The following WNK2 variants were observed in gnomAD, a reference collection of about 807,000 sequenced individuals.
The protein encoded by WNK2 is WNK lysine deficient protein kinase 2, also known as serine/threonine-protein kinase WNK2.
Under a neutral mutation model 192.1 loss-of-function variants are expected in WNK2, and 67 were observed. The observed-to-expected ratio is 0.35, with a 90% CI of 0.29 to 0.43. The LOEUF (loss-of-function observed/expected upper bound fraction) is 0.43, where lower values mean the gene tolerates loss of function less well. Ranked by LOEUF, WNK2 falls within the 20% of genes least tolerant of loss-of-function variation. The probability of loss-of-function intolerance (pLI) is 1.00; values close to 1 mark genes in which losing one functional copy is unlikely to be tolerated. For synonymous variants in WNK2, 1,439 were observed against 1,393.9 expected (o/e 1.03, Z -0.72); for missense variants, 2,698 against 3,089.7 (o/e 0.87, Z 3.01).
intron 2 of WNK2, among the ~76,000 whole-genome samples, chr9:93,217,053 G>C (rs1236738012): frequency 6.6e-6 from 1 of 151,584 alleles, no homozygotes; most frequent in African/African-American, 2.4e-5. Context: ...CTGCCTCCCA[G>C]GTTCAAGCGA....
chr9:93,230,892 C>T lies in WNK2; in HGVS notation c.859C>T (p.Leu287=), dbSNP rs938178320. The T allele has an allele frequency of 5.0e-6, 8 of 1,611,964 alleles. No individual in the cohort carries two copies. In the Admixed American group the frequency reaches 1.2e-4, roughly 24 times the overall value. Residue 287 remains leucine (L), a synonymous_variant, in exon 4 of 30, where the codon CTG becomes TTG. Transcript: ENST00000427277. ...TGTGCCCGTGAACCCCTGCAGATAC[C>T]TGAAGCGGTTCAAGGTGATGAAGCC... is the stretch of plus-strand genomic sequence containing the variant. The part of the protein sequence containing the change: ...LMTSGTLKTY[L]KRFKVMKPKV...
In WNK2 at chr9:93,260,795, T is replaced by A. The variant is rs377462210; in HGVS notation, c.3067-1019T>A. Among the ~76,000 whole-genome samples, 3 of 152,272 alleles carry A rather than the reference T, an allele frequency of 2.0e-5. No homozygotes were observed. In the South Asian group the frequency reaches 6.2e-4, roughly 32 times the overall value. On this transcript the variant is annotated intron_variant, in intron 12 of 29. Coordinates refer to ENST00000427277, the MANE Select transcript of WNK2 (RefSeq NM_006648.4). The stretch of plus-strand genomic sequence containing the variant: ...AGTAAGTGCTGTTGGTCCCAGCAGG[T>A]TTCAGCGGCAGCTCAGAGCCCGCTG...
Position 93,299,204 on chromosome 9 carries a change from C to T in WNK2, c.6058C>T (p.Leu2020=). The stretch of plus-strand genomic sequence containing the variant: ...GCAGCCCTGCTCCGTCCGGGCCTCC[C>T]TGTCTTCGGACATCTGCTCCGGCTT... ...TQQPCSVRAS[L]SSDICSGLAS... Residue 2020 remains leucine (L), a synonymous_variant, in exon 25 of 30, where the codon CTG becomes TTG. Coordinates refer to ENST00000427277, the MANE Select transcript of WNK2 (RefSeq NM_006648.4). 1.3e-6 allele frequency: 2 copies of T among 1,599,284 alleles called. No individual in the cohort carries two copies. Among genetic ancestry groups the T allele is most frequent in the Non-Finnish European group, 1.7e-6 (2 of 1,169,788 alleles).
chr9:93,293,691 TGCTTG>T (rs1849747946), intron 23 of WNK2, among the ~76,000 whole-genome samples: 1 of 152,122 alleles, frequency 6.6e-6, no homozygotes, highest in Non-Finnish European at 1.5e-5. Context: ...CCCTGCTGTC[TGCTTG>T]GCTTCTGGCT....
chr9:93,310,292 G>T (rs1019712480), intron 28 of WNK2, among the ~76,000 whole-genome samples: 1 of 152,144 alleles, frequency 6.6e-6, no homozygotes, highest in Non-Finnish European at 1.5e-5. Context: ...ACAGCTCTGC[G>T]AGGCTGCACC....
At chr9:93,258,499 C>T (rs1843668522) in intron 11 of WNK2, among the ~76,000 whole-genome samples, 1 of 152,162 alleles carries the variant, frequency 6.6e-6, no homozygotes, top group East Asian at 1.9e-4. Flanking sequence ...CTGACAGTCC[C>T]AGCCATTCTG....
intron 2 of WNK2, among the ~76,000 whole-genome samples, chr9:93,227,825 A>C (rs1838076554): frequency 6.6e-6 from 1 of 152,190 alleles, no homozygotes; most frequent in Admixed American, 6.5e-5. Context: ...GATGAGTAGA[A>C]CATGTTTCCA....
At chr9:93,267,941 G>T (rs1421836072) in intron 17 of WNK2, 25 bp downstream of exon 17, 1 of 1,610,606 alleles carries the variant, frequency 6.2e-7, no homozygotes, top group African/African-American at 1.3e-5. Context: ...TCCGGGGTGG[G>T]AGGTGGTGAG....
intron 5 of WNK2, 60 bp from the exon 6 acceptor site, chr9:93,238,173 G>A (rs1840138653): frequency 2.6e-6 from 4 of 1,510,904 alleles, no homozygotes; most frequent in Non-Finnish European, 3.7e-6. Flanking sequence ...TCCCACTGTG[G>A]TGGAGGCCTC....
In WNK2 at chr9:93,247,838, A is replaced by G; in HGVS notation, c.1834+4A>G. The G allele has an allele frequency of 6.5e-7, 1 of 1,536,448 alleles. No homozygotes were observed. Among genetic ancestry groups the G allele is most frequent in the Non-Finnish European group, 8.7e-7 (1 of 1,146,832 alleles). Reference sequence around the variant, plus strand: ...ACCAGCGCCACCTCCCTGGCCTGTGAGTGCTCAGGGGTGGGATGGCCATGG... The same window carrying G: ...ACCAGCGCCACCTCCCTGGCCTGTGGGTGCTCAGGGGTGGGATGGCCATGG... On this transcript the variant is annotated splice_donor_region_variant and intron_variant, in intron 8 of 29. Transcript: ENST00000427277. This position sits in a 1 kb window ranked among gnomAD's most constrained non-coding sequence, Gnocchi z 5.2.
chr9:93,221,794 G>A (rs967647795), intron 2 of WNK2, among the ~76,000 whole-genome samples: 1 of 152,136 alleles, frequency 6.6e-6, no homozygotes, highest in Non-Finnish European at 1.5e-5. Flanking sequence ...GGGAAGAGCC[G>A]CGTCGTGTCC....
chr9:93,214,671 C>A (rs60108227), intron 2 of WNK2, among the ~76,000 whole-genome samples: 2 of 142,740 alleles, frequency 1.4e-5, no homozygotes. Context: ...AGCTGTCAGT[C>A]TACTTGCTGC....
Position 93,253,207 on chromosome 9 carries a change from G to A in WNK2, c.2034+125G>A, listed in dbSNP as rs7848480. ...TGCATTGTGGTCAGCATTAAAAGTG[G>A]CCTGTGGTCAGTGTCCAGCCACACT... On this transcript the variant is annotated intron_variant, in intron 9 of 29. Transcript: ENST00000427277. 0.011 allele frequency: 9,430 copies of A among 882,246 alleles called. 679 individuals are homozygous for A. In the African/African-American group the frequency reaches 0.15, roughly 14 times the overall value. 54.7% of individuals were successfully genotyped at this position (882,246 alleles called of 1,614,324 possible).
chr9:93,299,952 G>A (rs1851313931), intron 25 of WNK2, 99 bp from the exon 26 acceptor site: 1 of 943,530 alleles, frequency 1.1e-6, no homozygotes, highest in Non-Finnish European at 1.7e-6. Flanking sequence ...TGGATGTTAA[G>A]TGACGAGGCT....
At chr9:93,228,562 A>AT (rs1294209292) in intron 2 of WNK2, among the ~76,000 whole-genome samples, 2 of 152,136 alleles carry the variant, frequency 1.3e-5, no homozygotes, top group Non-Finnish European at 2.9e-5. Context: ...AGAGGCAGGC[A>AT]TTGCTCTGTG....
intron 2 of WNK2, among the ~76,000 whole-genome samples, chr9:93,214,788 G>A (rs925751277): frequency 6.9e-6 from 1 of 145,650 alleles, no homozygotes; most frequent in African/African-American, 2.6e-5. Flanking sequence ...ATGCCCAGGT[G>A]TGGCTTTCTT....
In WNK2 at chr9:93,262,680, C is replaced by T; in HGVS notation, c.3371C>T (p.Ser1124Leu). 1 of 1,612,656 alleles carries T rather than the reference C, an allele frequency of 6.2e-7. No homozygotes were observed. The stretch of plus-strand genomic sequence containing the variant: ...GGGTGTTTATTTCAGGAGCAGGCCT[C>T]ACAGGACAAGCCGCCCGGCCTCCCG... ...TVEPVQEEQA[S>L]QDKPPGLPQS... is the part of the protein sequence containing the mutation. The change falls in exon 14 of 30, where the codon TCA becomes TTA. Residue 1124 changes from serine to leucine, a missense_variant. This residue lies in a region of WNK2 where 893 missense variants were observed against 909.0 expected (regional missense o/e 0.98). Coordinates refer to ENST00000427277, the MANE Select transcript of WNK2 (RefSeq NM_006648.4).
rs1371549502 is a variant in WNK2 at position 93,184,996 on chromosome 9, C to T, written c.67C>T (p.Pro23Ser). The T allele has an allele frequency of 3.2e-6, 4 of 1,242,942 alleles. No individual in the cohort carries two copies. The highest frequency in any genetic ancestry group is 4.0e-6 in the Non-Finnish European group (4 of 998,700). 77.0% of individuals were successfully genotyped at this position (1,242,942 alleles called of 1,614,324 possible). A position where few individuals can be genotyped will look rare whatever the true frequency, so the allele number is the denominator to read the frequency against. ...TLMEPGRGAGPAGMAEPRAKA... is the reference protein window; with the variant it reads ...TLMEPGRGAGSAGMAEPRAKA... ...GATGGAGCCCGGGCGCGGCGCGGGGCCCGCGGGCATGGCGGAGCCTCGGGC... is the reference window on the plus strand; with the variant it reads ...GATGGAGCCCGGGCGCGGCGCGGGGTCCGCGGGCATGGCGGAGCCTCGGGC... The change falls in exon 2 of 30, where the codon CCC becomes TCC. Residue 23 changes from proline to serine, a missense_variant. This residue lies in a region of WNK2 where 260 missense variants were observed against 285.6 expected (regional missense o/e 0.91). Transcript: ENST00000427277.
intron 29 of WNK2, chr9:93,318,043 G>A (rs754232927): frequency 1.4e-5 from 22 of 1,612,182 alleles, no homozygotes; most frequent in East Asian, 6.7e-5. Flanking sequence ...TGTGGTCCAC[G>A]CGCCGTCTCC....
Sources: allele counts gnomAD v4.1 joint callset (sites outside exome capture counted in the v4.1 genomes callset), GRCh38; gene constraint gnomAD v4.1.1; regional missense constraint gnomAD v4.1.1; non-coding constraint Gnocchi (gnomAD v3.1); transcripts MANE v1.5; gene names NCBI Gene and HGNC (gene_info 2026-07-23, HGNC 2026-07-21).